The following ZNF674 variants were observed in gnomAD, a reference collection of about 807,000 sequenced individuals.
The protein encoded by ZNF674 is zinc finger family member 674.
A neutral mutation model predicts 7.0 loss-of-function variants in ZNF674; 2 were observed. The observed-to-expected ratio is 0.29, with a 90% CI of 0.12 to 0.90. ZNF674 has a LOEUF of 0.90. ZNF674 is among the 40% of genes least tolerant of loss of function. The pLI is 0.57. For synonymous variants in ZNF674, 103 were observed against 145.2 expected (o/e 0.71, Z 2.09); for missense variants, 297 against 415.5 (o/e 0.71, Z 2.48).
intron 3 of ZNF674, chrX:46,529,668 CAA>C (rs5902377): frequency 1.2e-4 from 7 of 56,934 alleles, no homozygotes; most frequent in African/African-American, 1.5e-4. Flanking sequence ...GACTCCATCT[CAA>C]AAAAAAAAAA....
At chrX:46,537,843 C>T (rs897323102) in intron 3 of ZNF674, among the ~76,000 whole-genome samples, 1 of 112,371 alleles carries the variant, frequency 8.9e-6, no homozygotes, top group Middle Eastern at 4.6e-3. Context: ...AATCCCAGCA[C>T]TTTGGGAGAT....
intron 5 of ZNF674, chrX:46,522,985 C>T: frequency 8.2e-6 from 1 of 121,407 alleles, no homozygotes; most frequent in African/African-American, 3.2e-5. Context: ...TAGGAGGATG[C>T]CATCTGGAAG....
chrX:46,525,524 A>G (rs1240746971), intron 5 of ZNF674: 1 of 115,215 alleles, frequency 8.7e-6, no homozygotes, highest in African/African-American at 3.3e-5. Context: ...CTGAGGCAGA[A>G]GAATCGCTTG....
At chrX:46,522,046 T>C (rs987797070) in intron 5 of ZNF674, among the ~76,000 whole-genome samples, 1 of 107,348 alleles carries the variant, frequency 9.3e-6, no homozygotes, top group African/African-American at 3.4e-5. Flanking sequence ...CTATAAAATA[T>C]GAAATGAGGA....
intron 5 of ZNF674, among the ~76,000 whole-genome samples, chrX:46,520,313 T>C (rs5952383): frequency 0.27 from 29,478 of 110,137 alleles, 3,082 homozygotes; most frequent in Middle Eastern, 0.38. Flanking sequence ...ACAGGAGAAT[T>C]GCTTGAACCC....
At chrX:46,529,734 G>A (rs1387397336) in intron 3 of ZNF674, 9 of 109,348 alleles carry the variant, frequency 8.2e-5, no homozygotes, top group African/African-American at 2.3e-4. Context: ...GGAGAAAAGC[G>A]ACACTTAGAC....
chrX:46,511,301 C>A (rs1451977108), intron 5 of ZNF674, among the ~76,000 whole-genome samples: 1 of 111,693 alleles, frequency 9.0e-6, no homozygotes, highest in Non-Finnish European at 1.9e-5. Context: ...TAATAAAAGC[C>A]TTCAGAAAGA....
At position 46,508,280 on chromosome X, in the gene ZNF674, A is replaced by G. The variant is rs188287654; in HGVS notation, c.239-6945T>C. On this transcript the variant is annotated intron_variant, in intron 5 of 5. Transcript: ENST00000683375. ...TAGTATCAAACTCTCATGAAACTAAATTTCAGTCACAGTTTCAAAAATTAC... is the reference window on the plus strand; with the variant it reads ...TAGTATCAAACTCTCATGAAACTAAGTTTCAGTCACAGTTTCAAAAATTAC... 3.8e-3 allele frequency among the ~76,000 whole-genome samples: 424 copies of G among 111,681 alleles called. 4 individuals carry two copies. The highest frequency in any genetic ancestry group is 0.013 in the African/African-American group (407 of 30,852).
At chrX:46,536,337 A>G (rs949124804) in intron 3 of ZNF674, among the ~76,000 whole-genome samples, 9 of 110,931 alleles carry the variant, frequency 8.1e-5, no homozygotes, top group African/African-American at 2.9e-4. Context: ...CACTCCTATA[A>G]TCCCAGCACT....
At chrX:46,510,163 TAGCATTGGG>T (rs1475697623) in intron 5 of ZNF674, among the ~76,000 whole-genome samples, 7 of 92,605 alleles carry the variant, frequency 7.6e-5, no homozygotes, top group Non-Finnish European at 1.5e-4. Context: ...GGGGGAGGGA[TAGCATTGGG>T]AGATATACCT....
At chrX:46,510,748 G>A (rs1745625171) in intron 5 of ZNF674, among the ~76,000 whole-genome samples, 1 of 112,540 alleles carries the variant, frequency 8.9e-6, no homozygotes, top group Non-Finnish European at 1.9e-5. Context: ...CCGAGATCGT[G>A]CCATTGCACT....
intron 5 of ZNF674, among the ~76,000 whole-genome samples, chrX:46,507,553 T>C (rs1161602222): frequency 9.0e-6 from 1 of 111,680 alleles, no homozygotes; most frequent in Non-Finnish European, 1.9e-5. Context: ...TACCATGCCA[T>C]TTTATATCAG....
At chrX:46,508,708 T>G (rs1941588579) in intron 5 of ZNF674, among the ~76,000 whole-genome samples, 1 of 111,513 alleles carries the variant, frequency 9.0e-6, no homozygotes, top group Non-Finnish European at 1.9e-5. Flanking sequence ...TCCTAGGTAT[T>G]TTATTCTCTT....
intron 5 of ZNF674, among the ~76,000 whole-genome samples, chrX:46,504,844 T>C (rs982067898): frequency 6.3e-5 from 7 of 111,050 alleles, no homozygotes; most frequent in Non-Finnish European, 1.3e-4. Context: ...ACTTTATTTG[T>C]AAACCTCTGT....
chrX:46,501,908 TTATATATA>T (rs750102635), intron 5 of ZNF674, among the ~76,000 whole-genome samples: 3 of 104,282 alleles, frequency 2.9e-5, no homozygotes, highest in African/African-American at 1.1e-4. Context: ...GCCCTTGCAG[TTATATATA>T]TATATATATA....
chrX:46,519,744 A>C (rs892248099), intron 5 of ZNF674, among the ~76,000 whole-genome samples: 21 of 112,356 alleles, frequency 1.9e-4, no homozygotes, highest in African/African-American at 6.8e-4. Context: ...ACTACTGGAA[A>C]TTCATCCCAG....
chrX:46,536,367 G>A (rs1401339691), intron 3 of ZNF674, among the ~76,000 whole-genome samples: 1 of 110,785 alleles, frequency 9.0e-6, no homozygotes, highest in African/African-American at 3.3e-5. Flanking sequence ...TGAGGCAGGC[G>A]GATCACGAGG....
intron 5 of ZNF674, among the ~76,000 whole-genome samples, chrX:46,504,825 G>T (rs1429476010): frequency 1.8e-5 from 2 of 110,737 alleles, no homozygotes; most frequent in African/African-American, 6.6e-5. Flanking sequence ...GGGGAAAAAT[G>T]GGACTTCAAC....
chrX:46,519,210 T>TTAGATAGA (rs61702218), intron 5 of ZNF674, among the ~76,000 whole-genome samples: 1,508 of 74,323 alleles, frequency 0.02, 30 homozygotes, highest in East Asian at 0.036. Flanking sequence ...CTCAGATAGA[T>TTAGATAGA]TAGATAGATA....
Sources: allele counts gnomAD v4.1 joint callset (sites outside exome capture counted in the v4.1 genomes callset), GRCh38; gene constraint gnomAD v4.1.1; transcripts MANE v1.5; gene names NCBI Gene and HGNC (gene_info 2026-07-23, HGNC 2026-07-21).